Variants in ACAP3 observed in about 807,000 individuals in gnomAD.
ACAP3 encodes ArfGAP with coiled-coil, ankyrin repeat and PH domains 3.
In ACAP3, 56 loss-of-function variants were observed where a neutral mutation model predicts 104.1. That is an observed-to-expected ratio of 0.54 (90% confidence interval 0.43 to 0.67). ACAP3 has a LOEUF of 0.67. Among genes scored for constraint, ACAP3 ranks in the 30% least tolerant of loss-of-function variants. The probability of loss-of-function intolerance (pLI) is 0.00; values close to 1 mark genes in which losing one functional copy is unlikely to be tolerated. For missense variants in ACAP3, 1,208 were observed against 1,174.9 expected, an observed-to-expected ratio of 1.03 and a Z score of -0.41; for synonymous variants, 628 against 496.2, an observed-to-expected ratio of 1.27 and a Z score of -3.53.
Position 1,296,039 on chromosome 1 carries a change from C to T in ACAP3, c.1478G>A (p.Arg493Lys), listed in dbSNP as rs1191499554. 2.5e-6 allele frequency: 4 copies of T among 1,612,828 alleles called. No individual in the cohort carries two copies. The highest frequency in any genetic ancestry group is 1.7e-4 in the Middle Eastern group (1 of 6,060). ...YEAQCEGAGS[R>K]KPTASSSRQD... Reference sequence around the variant, plus strand: ...CCGGGAGCTGCTGGCTGTGGGTTTCCTGCTGCCTGCACCCTCACACTGGGC... The same window carrying T: ...CCGGGAGCTGCTGGCTGTGGGTTTCTTGCTGCCTGCACCCTCACACTGGGC... The change falls in exon 17 of 24, where the codon AGG becomes AAG. Residue 493 changes from arginine to lysine, a missense_variant. Transcript: ENST00000354700.
Position 1,300,689 on chromosome 1 carries a change from A to G in ACAP3, c.342T>C (p.Asp114=), listed in dbSNP as rs930204744. Reference sequence around the variant, plus strand: ...TCTTTGTCTCCTTGAACTTCCGCACATCCCTGGAGGCCAAGTGCCAGGTGG... The same window carrying G: ...TCTTTGTCTCCTTGAACTTCCGCACGTCCCTGGAGGCCAAGTGCCAGGTGG... ...RQQLQSFVKE[D]VRKFKETKKQ... is the part of the protein sequence containing the mutation. The change falls in exon 6 of 24, where the codon GAT becomes GAC. Residue 114 remains aspartate (D), a synonymous_variant. Transcript: ENST00000354700. The G allele has an allele frequency of 4.4e-6, 7 of 1,606,662 alleles. No individual in the cohort carries two copies. Among genetic ancestry groups the G allele is most frequent in the Non-Finnish European group, 5.9e-6 (7 of 1,178,034 alleles).
rs761882616 is a variant in ACAP3, at chr1:1,293,661, G to T, written c.2408C>A (p.Ala803Asp). ...MAEEMREAEA[A>D]PGPPGALAGS... is the part of the protein sequence containing the mutation. ...CGCCAGGGCGCCCGGGGGACCAGGG[G>T]CAGCCTCGGCCTCGCGCATTTCCTC... is the stretch of plus-strand genomic sequence containing the variant. Residue 803 changes from alanine (A) to aspartate (D), a missense_variant, in exon 24 of 24, where the codon GCC becomes GAC. Ala to Asp is a moderately radical substitution (Grantham distance 126). Transcript: ENST00000354700. 22 of 1,469,486 alleles carry T rather than the reference G, an allele frequency of 1.5e-5. No homozygotes were observed. The South Asian group carries it at 2.7e-4, about 18-fold the overall frequency. 91.0% of individuals were successfully genotyped at this position (1,469,486 alleles called of 1,614,324 possible). A position where few individuals can be genotyped will look rare whatever the true frequency, so the allele number is the denominator to read the frequency against.
At chr1:1,294,342 A>T (rs1641010534) in intron 21 of ACAP3, 60 bp downstream of exon 21, 1 of 1,528,324 alleles carries the variant, frequency 6.5e-7, no homozygotes, top group African/African-American at 1.4e-5. Flanking sequence ...TGGGCGCCAC[A>T]GAAGATGCAA....
chr1:1,303,387 C>T lies in ACAP3; in HGVS notation c.106-106G>A, dbSNP rs1244121026. The T allele has an allele frequency of 2.1e-6, 3 of 1,422,610 alleles. No homozygotes were observed. The African/African-American group carries it at 4.3e-5, about 20-fold the overall frequency. The allele number at this position is 1,422,610 out of a possible 1,614,324, so 88.1% of individuals were successfully genotyped here. On this transcript the variant is annotated intron_variant, in intron 2 of 23. Coordinates refer to ENST00000354700, the MANE Select transcript of ACAP3 (RefSeq NM_030649.3). This position sits in a 1 kb window ranked among gnomAD's most constrained non-coding sequence, Gnocchi z 4.0. ...AAGAGCTCCCAGGGTAGGTTCCACT[C>T]AGGGCGTTGGCACTCAGGACTCAGT...
At position 1,303,880 on chromosome 1, in the gene ACAP3, G is replaced by A. The variant is rs1052352689; in HGVS notation, c.105+206C>T. ...CAGCCCAGCCCCTCCCAGATGGGAC[G>A]AGACTCAGGGCCAGCCACATGTGTG... On this transcript the variant is annotated intron_variant, in intron 2 of 23. Coordinates refer to ENST00000354700, the MANE Select transcript of ACAP3 (RefSeq NM_030649.3). The surrounding 1 kb of genome is among the most constrained non-coding windows in gnomAD (Gnocchi z 4.0). The A allele has an allele frequency of 1.5e-5, 10 of 657,538 alleles. No individual in the cohort carries two copies. Among genetic ancestry groups the A allele is most frequent in the South Asian group, 7.5e-5 (4 of 53,276 alleles). 40.7% of individuals were successfully genotyped at this position (657,538 alleles called of 1,614,324 possible). A position where few individuals can be genotyped will look rare whatever the true frequency, so the allele number is the denominator to read the frequency against.
rs1193444415 is a variant in ACAP3 at position 1,293,658 on chromosome 1, G to C, written c.2411C>G (p.Pro804Arg). 4.8e-6 allele frequency: 7 copies of C among 1,470,352 alleles called. No individual in the cohort carries two copies. The highest frequency in any genetic ancestry group is 5.4e-6 in the Non-Finnish European group (6 of 1,120,176). 91.1% of individuals were successfully genotyped at this position (1,470,352 alleles called of 1,614,324 possible). Residue 804 changes from proline to arginine, a missense_variant, in exon 24 of 24, where the codon CCT becomes CGT. By Grantham distance (103) the Pro-to-Arg change is moderately radical (BLOSUM62 -2). Transcript: ENST00000354700. Reference protein sequence around the residue: ...AEEMREAEAAPGPPGALAGSP... With the variant: ...AEEMREAEAARGPPGALAGSP... ...GCCCGCCAGGGCGCCCGGGGGACCA[G>C]GGGCAGCCTCGGCCTCGCGCATTTC... is the stretch of plus-strand genomic sequence containing the variant.
chr1:1,302,173 G>T, intron 4 of ACAP3, 127 bp from the exon 5 acceptor site: 1 of 813,484 alleles, frequency 1.2e-6, no homozygotes. Context: ...CCACCCTGCA[G>T]GGCTGGCCTC....
intron 1 of ACAP3, chr1:1,305,195 C>T (rs1020355314): frequency 2.6e-5 from 4 of 152,288 alleles, no homozygotes; most frequent in African/African-American, 9.7e-5. Context: ...GTCCCAGCCA[C>T]CCCAGAAGGA....
In ACAP3 at chr1:1,297,912, G is replaced by C. The variant is rs1641263907; in HGVS notation, c.1038C>G (p.Asp346Glu). ...CCCAGGCTTGCCGCAGCTTCTCGGA[G>C]TCAGCCTGCAGCATGCAGCTCCTGC... ...SPTKSCMLQA[D>E]SEKLRQAWVQ... The change falls in exon 14 of 24, where the codon GAC becomes GAG. Residue 346 changes from aspartate (D) to glutamate (E), a missense_variant. Physicochemically the swap from Asp to Glu is conservative, Grantham distance 45. Coordinates refer to ENST00000354700, the MANE Select transcript of ACAP3 (RefSeq NM_030649.3). 1 of 1,612,012 alleles carries C rather than the reference G, an allele frequency of 6.2e-7. No homozygotes were observed. Among genetic ancestry groups the C allele is most frequent in the Non-Finnish European group, 8.5e-7 (1 of 1,179,508 alleles).
At chr1:1,297,981 C>A in intron 13 of ACAP3, 32 bp downstream of exon 13, 3 of 1,611,198 alleles carry the variant, frequency 1.9e-6, no homozygotes, top group African/African-American at 2.7e-5. Context: ...GCAGGTACGC[C>A]CCCCGCCCCA....
At chr1:1,306,483 G>C (rs759478479) in intron 1 of ACAP3, among the ~76,000 whole-genome samples, 1 of 152,128 alleles carries the variant, frequency 6.6e-6, no homozygotes, top group African/African-American at 2.4e-5. Flanking sequence ...CAGAAGATGG[G>C]AGAGCAGAGG....
intron 5 of ACAP3, among the ~76,000 whole-genome samples, chr1:1,301,272 T>C (rs1160171029): frequency 6.8e-6 from 1 of 146,180 alleles, no homozygotes. Flanking sequence ...TTTTTTTTTT[T>C]TTTTTTTGAT....
chr1:1,293,867 C>G lies in ACAP3; in HGVS notation c.2316G>C (p.Pro772=), dbSNP rs1557593747. 2 of 1,564,714 alleles carry G rather than the reference C, an allele frequency of 1.3e-6. No homozygotes were observed. Among genetic ancestry groups the G allele is most frequent in the African/African-American group, 3.0e-5 (2 of 66,934 alleles). The change falls in exon 23 of 24, where the codon CCG becomes CCC. Residue 772 remains proline (P), a synonymous_variant. Coordinates refer to ENST00000354700, the MANE Select transcript of ACAP3 (RefSeq NM_030649.3). ...QHALDQEQRD[P]LAIAVQAANA... is the part of the protein sequence containing the mutation. ...TGGCCGCCTGCACTGCGATGGCCAACGGGTCCCGCTGCTCTTGGTCCAGGG... is the reference window on the plus strand; with the variant it reads ...TGGCCGCCTGCACTGCGATGGCCAAGGGGTCCCGCTGCTCTTGGTCCAGGG...
intron 10 of ACAP3, chr1:1,298,959 T>C: frequency 1.8e-6 from 1 of 543,974 alleles, no homozygotes. Context: ...CAGGCTGCGA[T>C]CAGGAAGGAA....
Position 1,295,037 on chromosome 1 carries a change from C to T in ACAP3, c.1814-221G>A, listed in dbSNP as rs74045415. On this transcript the variant is annotated intron_variant, in intron 19 of 23. Coordinates refer to ENST00000354700, the MANE Select transcript of ACAP3 (RefSeq NM_030649.3). Reference sequence around the variant, plus strand: ...CAGGGGTAGCCCCCTAAAGCCCAGGCCTTTTGGGAAGCCCTTCCCTCCCGC... The same window carrying T: ...CAGGGGTAGCCCCCTAAAGCCCAGGTCTTTTGGGAAGCCCTTCCCTCCCGC... 6.7e-3 allele frequency: 3,921 copies of T among 581,634 alleles called. 113 individuals carry two copies. The highest frequency in any genetic ancestry group is 0.065 in the African/African-American group (3,452 of 53,506). 36.0% of individuals were successfully genotyped at this position (581,634 alleles called of 1,614,324 possible).
chr1:1,295,683 C>A, intron 18 of ACAP3, 53 bp downstream of exon 18: 1 of 1,558,040 alleles, frequency 6.4e-7, no homozygotes. Context: ...TGACGGAGTC[C>A]ATCCCCGACC....
intron 6 of ACAP3, 60 bp downstream of exon 6, chr1:1,300,449 C>T (rs563885714): frequency 1.2e-4 from 183 of 1,517,516 alleles, no homozygotes; most frequent in Middle Eastern, 2.4e-4. Context: ...TGTACAAGGC[C>T]GTTGAGGCCT....
chr1:1,298,108 G>A lies in ACAP3; in HGVS notation c.921C>T (p.Ala307=), dbSNP rs1167404217. Residue 307 remains alanine, a synonymous_variant, in exon 13 of 24, where the codon GCC becomes GCT. Transcript: ENST00000354700. ...GGAGGTCATCCACCACCACGGTGAG[G>A]GCATCCTGTGGGCGGCACCGCTGTG... ...QLVYQKKLKD[A]LTVVVDDLRL... 4 of 1,605,872 alleles carry A rather than the reference G, an allele frequency of 2.5e-6. No homozygotes were observed. The highest frequency in any genetic ancestry group is 2.5e-6 in the Non-Finnish European group (3 of 1,176,864).
At position 1,303,602 on chromosome 1, in the gene ACAP3, C is replaced by T; in HGVS notation, c.106-321G>A. On this transcript the variant is annotated intron_variant, in intron 2 of 23. Transcript: ENST00000354700. This position sits in a 1 kb window ranked among gnomAD's most constrained non-coding sequence, Gnocchi z 4.0. The stretch of plus-strand genomic sequence containing the variant: ...AGGCTGCCCACTCCCAGCTCCACGG[C>T]CTGTTGCCCCCTCCTCTTTCTCAGC... The T allele has an allele frequency of 2.1e-6, 1 of 474,278 alleles. No homozygotes were observed. The highest frequency in any genetic ancestry group is 2.4e-5 in the South Asian group (1 of 42,472). The allele number at this position is 474,278 out of a possible 1,614,324, so 29.4% of individuals were successfully genotyped here.
Sources: allele counts gnomAD v4.1 joint callset (sites outside exome capture counted in the v4.1 genomes callset), GRCh38; gene constraint gnomAD v4.1.1; non-coding constraint Gnocchi (gnomAD v3.1); transcripts MANE v1.5; gene names NCBI Gene and HGNC (gene_info 2026-07-23, HGNC 2026-07-21).